Variants in SLC29A3 observed in about 807,000 individuals in gnomAD.
SLC29A3 encodes solute carrier family 29 member 3.
A neutral mutation model predicts 25.4 loss-of-function variants in SLC29A3; 18 were observed. The observed-to-expected ratio is 0.71, with a 90% CI of 0.49 to 1.05. The LOEUF (loss-of-function observed/expected upper bound fraction) is 1.05. Ranked by LOEUF, SLC29A3 falls within the 50% of genes least tolerant of loss-of-function variation. SLC29A3 has a pLI of 0.00. For missense variants in SLC29A3, 586 were observed against 609.0 expected, an observed-to-expected ratio of 0.96 and a Z score of 0.40; for synonymous variants, 258 against 267.1, an observed-to-expected ratio of 0.97 and a Z score of 0.33.
intron 3 of SLC29A3, among the ~76,000 whole-genome samples, chr10:71,347,877 C>T (rs976285559): frequency 6.6e-6 from 1 of 152,206 alleles, no homozygotes; most frequent in African/African-American, 2.4e-5. Flanking sequence ...TGCAAAACAA[C>T]CTTCCTGTTC....
intron 1 of SLC29A3, 152 bp from the exon 2 acceptor site, chr10:71,322,604 A>T: frequency 1.1e-6 from 1 of 897,472 alleles, no homozygotes; most frequent in Non-Finnish European, 1.8e-6. Flanking sequence ...CCTGATCCTT[A>T]AAATGAAGCT....
chr10:71,374,005 T>G (rs1223095233), intron 3 of SLC29A3, among the ~76,000 whole-genome samples: 1 of 152,208 alleles, frequency 6.6e-6, no homozygotes, highest in Non-Finnish European at 1.5e-5. Flanking sequence ...ACCTTCCAGG[T>G]TGTTATAAAG....
At chr10:71,371,181 C>T (rs994761138) in intron 3 of SLC29A3, among the ~76,000 whole-genome samples, 6 of 152,156 alleles carry the variant, frequency 3.9e-5, no homozygotes, top group African/African-American at 9.7e-5. Flanking sequence ...ATTGCTGTTC[C>T]GATTCTGGAA....
At chr10:71,324,624 T>G (rs1845924368) in intron 2 of SLC29A3, among the ~76,000 whole-genome samples, 1 of 152,082 alleles carries the variant, frequency 6.6e-6, no homozygotes. Context: ...TGATGGAAAA[T>G]GTACTATTAG....
In SLC29A3 at chr10:71,356,110, G is replaced by A. The variant is rs200339271; in HGVS notation, c.640G>A (p.Val214Met). Residue 214 changes from valine (V) to methionine (M), a missense_variant, in exon 5 of 6, where the codon GTG becomes ATG. Physicochemically the swap from Val to Met is conservative, Grantham distance 21 (BLOSUM62 1). Coordinates refer to ENST00000373189, the MANE Select transcript of SLC29A3 (RefSeq NM_018344.6). ...GGAMGGTVSA[V>M]ASLVDLAASS... Reference sequence around the variant, plus strand: ...AGCCATGGGCGGGACGGTCAGCGCCGTGGCCTCATTGGTGGACTTGGCTGC... The same window carrying A: ...AGCCATGGGCGGGACGGTCAGCGCCATGGCCTCATTGGTGGACTTGGCTGC... The A allele has an allele frequency of 1.9e-4, 304 of 1,614,132 alleles. 1 individual carries two copies. In the East Asian group the frequency reaches 6.1e-3, roughly 32 times the overall value.
chr10:71,335,351 G>T (rs1846220241), intron 2 of SLC29A3, among the ~76,000 whole-genome samples: 1 of 152,210 alleles, frequency 6.6e-6, no homozygotes, highest in Non-Finnish European at 1.5e-5. Flanking sequence ...TCCAAGTGGA[G>T]CCCCCAAGGT....
chr10:71,349,953 G>C (rs1429799825), intron 3 of SLC29A3, among the ~76,000 whole-genome samples: 20 of 152,350 alleles, frequency 1.3e-4, no homozygotes, highest in Non-Finnish European at 1.5e-5. Context: ...ACCACAGTGA[G>C]ATGACATATC....
intron 2 of SLC29A3, among the ~76,000 whole-genome samples, chr10:71,335,759 T>C (rs906225455): frequency 3.5e-4 from 53 of 152,088 alleles, no homozygotes; most frequent in Admixed American, 3.5e-3. Context: ...GCTTGGGGTT[T>C]GGGCTCAGCA....
chr10:71,369,663 T>G (rs1198422319), intron 3 of SLC29A3, among the ~76,000 whole-genome samples: 1 of 152,244 alleles, frequency 6.6e-6, no homozygotes, highest in Non-Finnish European at 1.5e-5. Context: ...AGGCCCTGCT[T>G]CTGCAGCAGG....
chr10:71,344,172 G>T, intron 2 of SLC29A3, 37 bp from the exon 3 acceptor site: 1 of 1,550,124 alleles, frequency 6.5e-7, no homozygotes. Context: ...CTCCATCCCT[G>T]AGTGACCGCA....
chr10:71,331,512 A>G (rs976886843), intron 2 of SLC29A3, among the ~76,000 whole-genome samples: 3 of 152,236 alleles, frequency 2.0e-5, no homozygotes, highest in Admixed American at 1.3e-4. Context: ...AAGAGGGAGC[A>G]TAGCTCAGCG....
rs1847109402 is a variant in SLC29A3 at position 71,362,986 on chromosome 10, C to T, written c.*378C>T. 1 of 473,592 alleles carries T rather than the reference C, an allele frequency of 2.1e-6. No individual in the cohort carries two copies. Among genetic ancestry groups the T allele is most frequent in the Non-Finnish European group, 4.2e-6 (1 of 240,288 alleles). The allele number at this position is 473,592 out of a possible 1,614,324, so 29.3% of individuals were successfully genotyped here. ...CAGCCATGGGCTCTTTGCAACCTCC[C>T]AGCTGCGCTCATTCCAGCTGACAGC... On this transcript the variant is annotated 3_prime_UTR_variant, in exon 6 of 6. Coordinates refer to ENST00000373189, the MANE Select transcript of SLC29A3 (RefSeq NM_018344.6).
At chr10:71,344,954 G>A (rs1348494552) in intron 3 of SLC29A3, among the ~76,000 whole-genome samples, 1 of 152,194 alleles carries the variant, frequency 6.6e-6, no homozygotes, top group Non-Finnish European at 1.5e-5. Context: ...GTTCGCCATG[G>A]CCTACTAAAA....
intron 2 of SLC29A3, among the ~76,000 whole-genome samples, chr10:71,336,841 A>G (rs1385722055): frequency 6.6e-6 from 1 of 152,012 alleles, no homozygotes. Context: ...TCCAGCAGGG[A>G]TTCCTGAGGA....
At chr10:71,323,476 A>G (rs886141983) in intron 2 of SLC29A3, among the ~76,000 whole-genome samples, 2 of 152,260 alleles carry the variant, frequency 1.3e-5, no homozygotes, top group Admixed American at 1.3e-4. Context: ...CGGCTGTTGT[A>G]AGTCCAGCCA....
intron 2 of SLC29A3, among the ~76,000 whole-genome samples, chr10:71,323,354 T>G (rs542793626): frequency 6.6e-6 from 1 of 152,240 alleles, no homozygotes; most frequent in Non-Finnish European, 1.5e-5. Context: ...TTCTCCCATG[T>G]TCAATTCTGG....
At chr10:71,356,308 T>A in intron 5 of SLC29A3, 65 bp downstream of exon 5, 1 of 1,582,704 alleles carries the variant, frequency 6.3e-7, no homozygotes, top group Non-Finnish European at 8.6e-7. Context: ...TGCTTCTTTT[T>A]CTCAGCAGCT....
intron 5 of SLC29A3, among the ~76,000 whole-genome samples, chr10:71,358,250 A>T (rs928651758): frequency 2.0e-5 from 3 of 152,118 alleles, no homozygotes; most frequent in Non-Finnish European, 4.4e-5. Flanking sequence ...TGTCCTCATG[A>T]GGAGAGTCAC....
rs773555732 is a variant in SLC29A3, at chr10:71,319,271, C to T, written c.-39C>T. The T allele has an allele frequency of 1.6e-6, 1 of 618,218 alleles. No individual in the cohort carries two copies. Among genetic ancestry groups the T allele is most frequent in the East Asian group, 3.4e-5 (1 of 29,412 alleles). The allele number at this position is 618,218 out of a possible 1,614,324, so 38.3% of individuals were successfully genotyped here. A position where few individuals can be genotyped will look rare whatever the true frequency, so the allele number is the denominator to read the frequency against. On this transcript the variant is annotated 5_prime_UTR_variant, in exon 1 of 6. Coordinates refer to ENST00000373189, the MANE Select transcript of SLC29A3 (RefSeq NM_018344.6). ...GCCTGCCAAGCCCAGTGGTCCTGGC[C>T]GTGCGCCGGAGGCAGCGGCGGCGTG... is the stretch of plus-strand genomic sequence containing the variant.
Sources: allele counts gnomAD v4.1 joint callset (sites outside exome capture counted in the v4.1 genomes callset), GRCh38; gene constraint gnomAD v4.1.1; transcripts MANE v1.5; gene names NCBI Gene and HGNC (gene_info 2026-07-23, HGNC 2026-07-21).